The following PREX2 variants were observed in gnomAD, a reference collection of about 807,000 sequenced individuals.
PREX2 encodes phosphatidylinositol-3,4,5-trisphosphate dependent Rac exchange factor 2.
A neutral mutation model predicts 203.2 loss-of-function variants in PREX2; 107 were observed. That is an observed-to-expected ratio of 0.53 (90% CI 0.45 to 0.62). The LOEUF is 0.62. Among genes scored for constraint, PREX2 ranks in the 20% least tolerant of loss-of-function variants. PREX2 has a pLI of 0.00. For missense variants in PREX2, 1,777 were observed against 1,955.9 expected, an observed-to-expected ratio of 0.91 and a Z score of 1.72; for synonymous variants, 672 against 663.6, an observed-to-expected ratio of 1.01 and a Z score of -0.19.
chr8:68,196,121 A>G (rs1812389344), intron 37 of PREX2, among the ~76,000 whole-genome samples: 1 of 152,062 alleles, frequency 6.6e-6, no homozygotes, highest in Non-Finnish European at 1.5e-5. Flanking sequence ...GTGAATGACA[A>G]GTCTCCTGAG....
At chr8:68,160,529 A>C (rs1407272601) in intron 35 of PREX2, among the ~76,000 whole-genome samples, 2 of 152,146 alleles carry the variant, frequency 1.3e-5, no homozygotes, top group Non-Finnish European at 2.9e-5. Flanking sequence ...ACCATTTCTT[A>C]TTTGATAGTA....
intron 7 of PREX2, among the ~76,000 whole-genome samples, chr8:68,038,909 A>AT (rs1192109700): frequency 1.3e-5 from 2 of 152,098 alleles, no homozygotes; most frequent in African/African-American, 4.8e-5. Flanking sequence ...TCTTTCTGCC[A>AT]TTACACCTGA....
chr8:68,031,686 G>A (rs1220145560), intron 6 of PREX2, among the ~76,000 whole-genome samples: 2 of 152,166 alleles, frequency 1.3e-5, no homozygotes, highest in South Asian at 2.1e-4. Context: ...TCAAGTGTCC[G>A]GAGTGCCCTC....
At chr8:68,196,284 C>T (rs542415013) in intron 37 of PREX2, among the ~76,000 whole-genome samples, 3 of 149,878 alleles carry the variant, frequency 2.0e-5, no homozygotes, top group Admixed American at 6.7e-5. Flanking sequence ...GCTTTTTAAT[C>T]GTATAAATAC....
At chr8:67,966,042 A>G (rs1294459073) in intron 1 of PREX2, among the ~76,000 whole-genome samples, 1 of 152,192 alleles carries the variant, frequency 6.6e-6, no homozygotes, top group East Asian at 1.9e-4. Flanking sequence ...ATTTCTACTT[A>G]TGGTTTACTT....
At chr8:68,079,045 C>T (rs574030560) in intron 15 of PREX2, among the ~76,000 whole-genome samples, 16 of 152,238 alleles carry the variant, frequency 1.1e-4, no homozygotes, top group Admixed American at 9.2e-4. Flanking sequence ...CTGAGCTAGG[C>T]GCAGTGGCTC....
chr8:68,033,805 T>C (rs937023251), intron 6 of PREX2, among the ~76,000 whole-genome samples: 1 of 152,190 alleles, frequency 6.6e-6, no homozygotes, highest in African/African-American at 2.4e-5. Flanking sequence ...GATTCTCCAT[T>C]GTATGCGTTA....
At chr8:68,024,455 A>G in intron 4 of PREX2, among the ~76,000 whole-genome samples, 1 of 151,910 alleles carries the variant, frequency 6.6e-6, no homozygotes, top group Admixed American at 6.6e-5. Context: ...CTTTTGTTAA[A>G]GTCTATTTTT....
In PREX2 at chr8:68,191,794, A is replaced by T; in HGVS notation, c.4413+6A>T. On this transcript the variant is annotated splice_donor_region_variant and intron_variant, in intron 36 of 39. Coordinates refer to ENST00000288368, the MANE Select transcript of PREX2 (RefSeq NM_024870.4). Reference sequence around the variant, plus strand: ...AAGCTGCCTATGTAGATAAGGTAAAAACAGATGATTATATTTATTGGTGCT... The same window carrying T: ...AAGCTGCCTATGTAGATAAGGTAAATACAGATGATTATATTTATTGGTGCT... 6.4e-7 allele frequency: 1 copy of T among 1,571,768 alleles called. No homozygotes were observed. The highest frequency in any genetic ancestry group is 1.1e-5 in the South Asian group (1 of 88,898).
chr8:68,050,385 G>A (rs73267958), intron 8 of PREX2, among the ~76,000 whole-genome samples: 17,156 of 151,098 alleles, frequency 0.11, 1,029 homozygotes, highest in Middle Eastern at 0.13. Flanking sequence ...AGGTGAAGGA[G>A]AACTGGCATG....
intron 35 of PREX2, among the ~76,000 whole-genome samples, chr8:68,182,609 T>C (rs1160959547): frequency 1.3e-5 from 2 of 152,006 alleles, no homozygotes; most frequent in African/African-American, 4.8e-5. Flanking sequence ...AGATTTTATG[T>C]ATATATATAG....
intron 34 of PREX2, among the ~76,000 whole-genome samples, chr8:68,155,098 A>G (rs1811513983): frequency 6.6e-6 from 1 of 151,520 alleles, no homozygotes; most frequent in Non-Finnish European, 1.5e-5. Flanking sequence ...AGGGAAAGCA[A>G]TTGTGTTTTC....
chr8:68,010,960 G>T (rs1168113674), intron 1 of PREX2, among the ~76,000 whole-genome samples: 1 of 152,144 alleles, frequency 6.6e-6, no homozygotes, highest in African/African-American at 2.4e-5. Flanking sequence ...TGAATCAAAT[G>T]ATACTTGGAA....
intron 4 of PREX2, among the ~76,000 whole-genome samples, chr8:68,023,490 C>G (rs1205158877): frequency 6.6e-6 from 1 of 152,078 alleles, no homozygotes; most frequent in Non-Finnish European, 1.5e-5. Context: ...GTATATTGAG[C>G]TGTAAATGTT....
intron 34 of PREX2, among the ~76,000 whole-genome samples, chr8:68,148,461 C>A (rs2129613718): frequency 6.6e-6 from 1 of 152,206 alleles, no homozygotes; most frequent in South Asian, 2.1e-4. Context: ...TGGCACTAAG[C>A]ATCTTTAAAA....
At chr8:68,219,086 C>T (rs1475161261) in intron 38 of PREX2, among the ~76,000 whole-genome samples, 1 of 152,022 alleles carries the variant, frequency 6.6e-6, no homozygotes, top group African/African-American at 2.4e-5. Context: ...GATTATGTTG[C>T]TTATTAGAGT....
intron 1 of PREX2, among the ~76,000 whole-genome samples, chr8:67,983,101 A>G (rs1340086445): frequency 6.6e-6 from 1 of 152,248 alleles, no homozygotes. Context: ...TATATGGGCC[A>G]TAGTGGTGGT....
chr8:68,113,367 C>T (rs569745590), intron 25 of PREX2, among the ~76,000 whole-genome samples: 113 of 151,982 alleles, frequency 7.4e-4, no homozygotes, highest in African/African-American at 2.6e-3. Flanking sequence ...AAAATGAGAA[C>T]TCCTGCATTT....
intron 1 of PREX2, among the ~76,000 whole-genome samples, chr8:67,957,864 T>C (rs939521863): frequency 3.9e-5 from 6 of 152,224 alleles, no homozygotes; most frequent in Non-Finnish European, 8.8e-5. Context: ...ACTGTATTTG[T>C]AGATAGGGCC....
Sources: gnomAD v4.1 joint callset for allele counts (sites outside exome capture counted in the v4.1 genomes callset) on GRCh38, gnomAD v4.1.1 for gene constraint, MANE v1.5 for transcripts, NCBI Gene and HGNC (gene_info 2026-07-23, HGNC 2026-07-21) for gene names.